The following MAP4 variants were observed in gnomAD, a reference collection of about 807,000 sequenced individuals.
The protein encoded by MAP4 is microtubule associated protein 4.
MAP4 carries 76 observed loss-of-function variants against 170.2 expected under a neutral mutation model. The observed-to-expected ratio is 0.45, with a 90% CI of 0.37 to 0.54. MAP4 has a LOEUF of 0.54. Among genes scored for constraint, MAP4 ranks in the 20% least tolerant of loss-of-function variants. MAP4 has a pLI of 0.00. For synonymous variants in MAP4, 909 were observed against 994.5 expected, an observed-to-expected ratio of 0.91 and a Z score of 1.62; for missense variants, 2,506 against 2,748.0, an observed-to-expected ratio of 0.91 and a Z score of 1.97.
chr3:47,929,593 A>G (rs1036475726), intron 3 of MAP4, among the ~76,000 whole-genome samples: 1 of 149,822 alleles, frequency 6.7e-6, no homozygotes, highest in African/African-American at 2.5e-5. Context: ...AACAGATCAA[A>G]GACCTAACGT....
chr3:48,066,097 T>C (rs1398849489), intron 1 of MAP4, among the ~76,000 whole-genome samples: 5 of 152,204 alleles, frequency 3.3e-5, no homozygotes, highest in Admixed American at 6.5e-5. Flanking sequence ...TATACCTATA[T>C]AGTATATCCG....
Position 47,852,896 on chromosome 3 carries a change from G to A in MAP4, c.*38C>T, listed in dbSNP as rs191499874. 16 of 1,604,450 alleles carry A rather than the reference G, an allele frequency of 1.0e-5. No individual in the cohort carries two copies. Among genetic ancestry groups the A allele is most frequent in the African/African-American group, 4.0e-5 (3 of 74,796 alleles). ...ACAATGTCGGCCCCGTGGTCGGTGC[G>A]GGCCCTGGCATTTGCCCGGAACGTC... On this transcript the variant is annotated 3_prime_UTR_variant, in exon 21 of 21. Transcript: ENST00000683076.
intron 17 of MAP4, among the ~76,000 whole-genome samples, chr3:47,860,015 T>C (rs73087117): frequency 0.016 from 2,440 of 152,288 alleles, 31 homozygotes; most frequent in Non-Finnish European, 0.024. Context: ...TCCCTATCCT[T>C]ATCCCCCATA....
chr3:47,913,697 TA>T (rs576211312), intron 8 of MAP4, among the ~76,000 whole-genome samples: 130 of 150,122 alleles, frequency 8.7e-4, no homozygotes, highest in Non-Finnish European at 1.6e-3. Flanking sequence ...AAACAACATT[TA>T]AAAAAAAAAT....
rs2153506120 is a variant in MAP4 at position 47,910,410 on chromosome 3, A to G, written c.4011T>C (p.Pro1337=). The part of the protein sequence containing the change: ...QEQIQGAGFV[P]SVVSEENKTD... ...TCTTATTCTCCTCAGATACTACTGA[A>G]GGAACAAATCCTGCCCCCTGGATTT... Residue 1337 remains proline (P), a synonymous_variant, in exon 9 of 21, where the codon CCT becomes CCC. Transcript: ENST00000683076. 6.5e-7 allele frequency: 1 copy of G among 1,536,586 alleles called. No individual in the cohort carries two copies. The highest frequency in any genetic ancestry group is 8.7e-7 in the Non-Finnish European group (1 of 1,146,926).
chr3:48,014,986 T>C (rs765742993), intron 1 of MAP4, among the ~76,000 whole-genome samples: 10 of 151,994 alleles, frequency 6.6e-5, no homozygotes, highest in African/African-American at 2.4e-4. Flanking sequence ...CAGATATAGA[T>C]ATGGTATCAA....
chr3:47,924,446 C>T (rs949920004), intron 4 of MAP4, among the ~76,000 whole-genome samples: 1 of 152,162 alleles, frequency 6.6e-6, no homozygotes, highest in African/African-American at 2.4e-5. Context: ...TATAGTCTTT[C>T]CATCTCTAAT....
intron 1 of MAP4, among the ~76,000 whole-genome samples, chr3:48,067,694 C>T (rs906699242): frequency 1.0e-4 from 15 of 149,196 alleles, no homozygotes; most frequent in Admixed American, 6.1e-4. Flanking sequence ...GGCTGGAGTG[C>T]GGTGGCACAA....
At chr3:48,026,678 AGT>A (rs1382078058) in intron 1 of MAP4, among the ~76,000 whole-genome samples, 1 of 152,184 alleles carries the variant, frequency 6.6e-6, no homozygotes, top group African/African-American at 2.4e-5. Context: ...AAATTTCAGA[AGT>A]TTCTCAGATT....
At chr3:48,040,840 C>T (rs1049414009) in intron 1 of MAP4, among the ~76,000 whole-genome samples, 7 of 151,984 alleles carry the variant, frequency 4.6e-5, no homozygotes, top group Admixed American at 3.9e-4. Context: ...GGATTAAAGG[C>T]GTGCGTGCGC....
intron 10 of MAP4, among the ~76,000 whole-genome samples, chr3:47,879,454 T>A (rs1394730795): frequency 6.6e-6 from 1 of 152,168 alleles, no homozygotes; most frequent in African/African-American, 2.4e-5. Context: ...TACAGATTCA[T>A]AGGAAGTTGC....
rs372684644 is a variant in MAP4 at position 47,853,744 on chromosome 3, G to A, written c.6697-392C>T. Among the ~76,000 whole-genome samples the A allele has an allele frequency of 1.4e-3, 213 of 151,778 alleles. 1 individual carries two copies. The highest frequency in any genetic ancestry group is 4.4e-3 in the African/African-American group (181 of 41,466). On this transcript the variant is annotated intron_variant, in intron 19 of 20. Transcript: ENST00000683076. Reference sequence around the variant, plus strand: ...CAGCCCACCCTCCCAAACCCTCCCTGAACCCAGGCCACCCCCTGCACACAG... The same window carrying A: ...CAGCCCACCCTCCCAAACCCTCCCTAAACCCAGGCCACCCCCTGCACACAG...
chr3:47,904,468 T>C (rs1010702345), intron 9 of MAP4, among the ~76,000 whole-genome samples: 6 of 151,870 alleles, frequency 4.0e-5, no homozygotes, highest in Admixed American at 3.3e-4. Flanking sequence ...TGCGCTGTCA[T>C]ACCCAGCTAA....
In MAP4 at chr3:47,921,839, A is replaced by T. The variant is rs1349887056; in HGVS notation, c.455T>A (p.Leu152Ter). 6.2e-7 allele frequency: 1 copy of T among 1,607,766 alleles called. No individual in the cohort carries two copies. Residue 152 changes from leucine (L) to a stop codon, truncating the protein, a stop_gained, in exon 5 of 21, where the codon TTG (leucine) becomes TAG (stop). Transcript: ENST00000683076. LOFTEE classifies it high-confidence loss of function. ...AGCTGTCGCACTGGAGGGAAAGACC[A>T]AATCTGCCAGGTCATCATCATGGTA... is the stretch of plus-strand genomic sequence containing the variant. Reference protein sequence around the residue: ...KMYHDDDLADLVFPSSATADT... With the variant: ...KMYHDDDLAD
At chr3:47,912,485 A>C in intron 8 of MAP4, 64 bp from the exon 9 acceptor site, 2 of 1,379,086 alleles carry the variant, frequency 1.5e-6, no homozygotes, top group East Asian at 5.0e-5. Flanking sequence ...ACAAACAAAC[A>C]AACAAAAAAA....
intron 2 of MAP4, among the ~76,000 whole-genome samples, chr3:47,984,622 A>G (rs1324070491): frequency 6.6e-6 from 1 of 151,912 alleles, no homozygotes; most frequent in Non-Finnish European, 1.5e-5. Context: ...GCTTGAGCCC[A>G]GGAGTTCAAG....
At chr3:47,868,602 T>C (rs1303388711) in intron 16 of MAP4, among the ~76,000 whole-genome samples, 1 of 152,144 alleles carries the variant, frequency 6.6e-6, no homozygotes, top group Admixed American at 6.6e-5. Context: ...AGGGGCCTGG[T>C]TTCCAGGTTT....
intron 1 of MAP4, among the ~76,000 whole-genome samples, chr3:48,055,458 G>C (rs1208193853): frequency 5.3e-5 from 8 of 150,732 alleles, no homozygotes; most frequent in African/African-American, 2.0e-4. Flanking sequence ...CGCCAACCTC[G>C]GCCTCCCGAG....
intron 3 of MAP4, among the ~76,000 whole-genome samples, chr3:47,949,208 G>C (rs60787101): frequency 3.3e-5 from 5 of 152,098 alleles, no homozygotes; most frequent in Non-Finnish European, 1.5e-5. Context: ...GCTCACGCCT[G>C]TAATCCCAGC....
Sources: allele counts gnomAD v4.1 joint callset (sites outside exome capture counted in the v4.1 genomes callset), GRCh38; gene constraint gnomAD v4.1.1; transcripts MANE v1.5; gene names NCBI Gene and HGNC (gene_info 2026-07-23, HGNC 2026-07-21).